Variants in CDH23 observed in about 807,000 individuals in gnomAD.
The protein encoded by CDH23 is cadherin-23.
Under a neutral mutation model 317.1 loss-of-function variants are expected in CDH23, and 189 were observed. The ratio of observed to expected loss-of-function variants is 0.60; its 90% CI spans 0.53 to 0.67. The LOEUF (loss-of-function observed/expected upper bound fraction) is 0.67, where lower values mean the gene tolerates loss of function less well. Among genes scored for constraint, CDH23 ranks in the 30% least tolerant of loss-of-function variants. The probability of loss-of-function intolerance (pLI) is 0.00; values close to 1 mark genes in which losing one functional copy is unlikely to be tolerated. For missense variants in CDH23, 4,401 were observed against 4,592.4 expected, an observed-to-expected ratio of 0.96 and a Z score of 1.20; for synonymous variants, 1,839 against 1,876.8, an observed-to-expected ratio of 0.98 and a Z score of 0.52.
At chr10:71,622,522 C>T (rs67590539) in intron 11 of CDH23, among the ~76,000 whole-genome samples, 35,114 of 152,016 alleles carry the variant, frequency 0.23, 4,519 homozygotes, top group Non-Finnish European at 0.3. Flanking sequence ...GGGCGGGGGA[C>T]GGAGGCAGGG....
chr10:71,429,926 A>G (rs1849289950), intron 1 of CDH23, among the ~76,000 whole-genome samples: 1 of 152,198 alleles, frequency 6.6e-6, no homozygotes. Flanking sequence ...TGCCTCCAAC[A>G]ATGTAGTAAG....
At chr10:71,699,854 A>T (rs184146698) in intron 22 of CDH23, among the ~76,000 whole-genome samples, 17 of 152,310 alleles carry the variant, frequency 1.1e-4, no homozygotes, top group African/African-American at 3.8e-4. Context: ...CCCTGTGACC[A>T]GAGAGTGGGT....
chr10:71,520,503 C>T (rs1431709768), intron 6 of CDH23, among the ~76,000 whole-genome samples: 1 of 152,206 alleles, frequency 6.6e-6, no homozygotes, highest in Non-Finnish European at 1.5e-5. Context: ...TCAAAGGTGG[C>T]TGGGGAAGAT....
At chr10:71,572,139 G>C (rs1045707337) in intron 8 of CDH23, among the ~76,000 whole-genome samples, 1 of 152,222 alleles carries the variant, frequency 6.6e-6, no homozygotes, top group African/African-American at 2.4e-5. Context: ...TTTGAGAGTA[G>C]AGGGGGACAG....
At chr10:71,618,010 A>C (rs1366927806) in intron 11 of CDH23, among the ~76,000 whole-genome samples, 1 of 151,986 alleles carries the variant, frequency 6.6e-6, no homozygotes, top group African/African-American at 2.4e-5. Flanking sequence ...AAAAAAGTAG[A>C]AATAAACCAT....
Position 71,682,565 on chromosome 10 carries a change from A to C in CDH23, c.1979A>C (p.Glu660Ala), listed in dbSNP as rs1864698760. 5 of 1,613,052 alleles carry C rather than the reference A, an allele frequency of 3.1e-6. No homozygotes were observed. Among genetic ancestry groups the C allele is most frequent in the Non-Finnish European group, 4.2e-6 (5 of 1,179,616 alleles). ...AACAGCACCGTCCCTGTCACCATCG[A>C]GGTGTTTGTAAGTACCCAGGGCCAC... ...PLNSTVPVTI[E>A]VFDENDNPPT... is the part of the protein sequence containing the mutation. The change falls in exon 18 of 70, where the codon GAG (glutamate) becomes GCG (alanine). Residue 660 changes from glutamate (E) to alanine (A), a missense_variant. This residue lies in a region of CDH23 where 3,068 missense variants were observed against 3,203.3 expected (regional missense o/e 0.96). Transcript: ENST00000224721.
chr10:71,800,534 G>C (rs999837405), intron 52 of CDH23, 102 bp from the exon 53 acceptor site: 3 of 1,347,156 alleles, frequency 2.2e-6, no homozygotes, highest in East Asian at 2.5e-5. Flanking sequence ...CTTTTGTTCA[G>C]TGTCAAATCT....
chr10:71,790,765 G>A (rs1841229511), intron 46 of CDH23: 1 of 462,486 alleles, frequency 2.2e-6, no homozygotes, highest in Admixed American at 3.4e-5. Context: ...CCTCCAACCA[G>A]ACCATGCCAC....
intron 1 of CDH23, among the ~76,000 whole-genome samples, chr10:71,406,502 T>C (rs1848104745): frequency 6.6e-6 from 1 of 152,170 alleles, no homozygotes. Flanking sequence ...TTCAGGTGGC[T>C]CCAGGGTCCA....
intron 41 of CDH23, among the ~76,000 whole-genome samples, chr10:71,782,730 G>A (rs1177446817): frequency 6.6e-6 from 1 of 152,262 alleles, no homozygotes; most frequent in Non-Finnish European, 1.5e-5. Context: ...GCCGGGGCTT[G>A]AGACAGGGCT....
chr10:71,585,660 C>T (rs538215953), intron 9 of CDH23, among the ~76,000 whole-genome samples: 2 of 152,358 alleles, frequency 1.3e-5, no homozygotes, highest in South Asian at 4.1e-4. Context: ...TCACTTTCTC[C>T]TGATGAGCCA....
intron 6 of CDH23, among the ~76,000 whole-genome samples, chr10:71,554,864 G>C (rs1223512378): frequency 6.6e-6 from 1 of 152,208 alleles, no homozygotes; most frequent in African/African-American, 2.4e-5. Context: ...TGAGGCATCA[G>C]ATGTTTATGT....
At chr10:71,781,723 C>T (rs2097449454) in intron 41 of CDH23, among the ~76,000 whole-genome samples, 1 of 152,192 alleles carries the variant, frequency 6.6e-6, no homozygotes, top group South Asian at 2.1e-4. Flanking sequence ...GTGAGAGACG[C>T]CTAGGAGTTT....
Position 71,579,400 on chromosome 10 carries a change from C to A in CDH23, c.832+1408C>A, listed in dbSNP as rs189210377. Among the ~76,000 whole-genome samples, 16 of 152,226 alleles carry A rather than the reference C, an allele frequency of 1.1e-4. No individual in the cohort carries two copies. The East Asian group carries it at 3.1e-3, about 29-fold the overall frequency. ...CTCTGCACCACCCCCTCCCCCATTT[C>A]ATTATTCTGGTGTCCAGCACAGGAC... On this transcript the variant is annotated intron_variant, in intron 9 of 69. Transcript: ENST00000224721.
At chr10:71,665,916 C>T (rs1226167949) in intron 14 of CDH23, among the ~76,000 whole-genome samples, 1 of 152,172 alleles carries the variant, frequency 6.6e-6, no homozygotes, top group East Asian at 1.9e-4. Flanking sequence ...AGCAAAGATG[C>T]GTTAACACAA....
chr10:71,565,154 G>C (rs1017476373), intron 6 of CDH23, among the ~76,000 whole-genome samples: 2 of 152,096 alleles, frequency 1.3e-5, no homozygotes, highest in African/African-American at 4.8e-5. Context: ...GAGAGGGCAG[G>C]ACAGAGAACT....
rs550134553 is a variant in CDH23 at position 71,793,447 on chromosome 10, G to T, written c.6519G>T (p.Glu2173Asp). The T allele has an allele frequency of 1.2e-6, 2 of 1,613,896 alleles. No homozygotes were observed. Among genetic ancestry groups the T allele is most frequent in the Non-Finnish European group, 1.7e-6 (2 of 1,179,908 alleles). The stretch of plus-strand genomic sequence containing the variant: ...ATGACATCAATGACTCCCGCCCCGA[G>T]TTCCTCAACCCCATCCAGACAGTGA... ...LIDDINDSRP[E>D]FLNPIQTVSV... Residue 2173 changes from glutamate to aspartate, a missense_variant, in exon 48 of 70, where the codon GAG becomes GAT. Around this residue, in one of 3 missense-constraint regions of CDH23, gnomAD observed 3,068 missense variants for 3,203.3 expected, o/e 0.96. Transcript: ENST00000224721.
At chr10:71,677,260 C>G (rs1864409185) in intron 15 of CDH23, among the ~76,000 whole-genome samples, 196 bp from the exon 16 acceptor site, 1 of 152,134 alleles carries the variant, frequency 6.6e-6, no homozygotes, top group South Asian at 2.1e-4. Context: ...TCGTGTGATC[C>G]TGATCCCCGC....
chr10:71,503,090 T>C (rs1853428760), intron 3 of CDH23, among the ~76,000 whole-genome samples: 1 of 152,250 alleles, frequency 6.6e-6, no homozygotes, highest in Non-Finnish European at 1.5e-5. Flanking sequence ...AAGCTGTGAT[T>C]GTCCACCCCT....
Sources: gnomAD v4.1 joint callset for allele counts (sites outside exome capture counted in the v4.1 genomes callset) on GRCh38, gnomAD v4.1.1 for gene constraint, gnomAD v4.1.1 regional missense constraint, MANE v1.5 for transcripts, NCBI Gene and HGNC (gene_info 2026-07-23, HGNC 2026-07-21) for gene names.